MGAT4C: variants seen among roughly 807,000 people sequenced by gnomAD.
MGAT4C encodes alpha-1,3-mannosyl-glycoprotein 4-beta-N-acetylglucosaminyltransferase C.
MGAT4C carries 19 observed loss-of-function variants against 40.1 expected under a neutral mutation model. The observed-to-expected ratio is 0.47, with a 90% CI of 0.33 to 0.70. The LOEUF (loss-of-function observed/expected upper bound fraction) is 0.70, where lower values mean the gene tolerates loss of function less well. Ranked by LOEUF, MGAT4C falls within the 30% of genes least tolerant of loss-of-function variation. MGAT4C has a pLI of 0.02. For synonymous variants in MGAT4C, 181 were observed against 187.1 expected, an observed-to-expected ratio of 0.97 and a Z score of 0.27; for missense variants, 491 against 563.2, an observed-to-expected ratio of 0.87 and a Z score of 1.30.
chr12:86,262,759 T>C (rs949202776), intron 4 of MGAT4C, among the ~76,000 whole-genome samples: 1 of 152,078 alleles, frequency 6.6e-6, no homozygotes, highest in African/African-American at 2.4e-5. Context: ...ACATCACTTG[T>C]ATTTGATAAA....
chr12:86,436,066 A>G (rs1301281710), intron 2 of MGAT4C, among the ~76,000 whole-genome samples: 3 of 151,876 alleles, frequency 2.0e-5, no homozygotes, highest in Admixed American at 6.6e-5. Flanking sequence ...TTACAACTAT[A>G]TGATTATATA....
chr12:86,352,650 G>C (rs1187790411), intron 3 of MGAT4C, among the ~76,000 whole-genome samples: 1 of 152,004 alleles, frequency 6.6e-6, no homozygotes, highest in South Asian at 2.1e-4. Context: ...ACACCTTTCA[G>C]TTGTTTCTTA....
At chr12:86,456,402 C>T (rs1049992812) in intron 2 of MGAT4C, among the ~76,000 whole-genome samples, 1 of 152,066 alleles carries the variant, frequency 6.6e-6, no homozygotes, top group African/African-American at 2.4e-5. Flanking sequence ...TAGTAAATGG[C>T]AGCCTGGCAT....
intron 2 of MGAT4C, among the ~76,000 whole-genome samples, chr12:86,561,904 T>C (rs1959880520): frequency 6.6e-6 from 1 of 152,224 alleles, no homozygotes; most frequent in South Asian, 2.1e-4. Context: ...GACTCCAAAA[T>C]GCTAAGGACT....
At chr12:86,290,597 A>T (rs565119524) in intron 4 of MGAT4C, among the ~76,000 whole-genome samples, 3 of 152,132 alleles carry the variant, frequency 2.0e-5, no homozygotes, top group Middle Eastern at 3.2e-3. Context: ...TTAAAATGAA[A>T]ACACATTTTA....
chr12:86,159,371 C>A (rs1246022872), intron 1 of MGAT4C, among the ~76,000 whole-genome samples: 1 of 149,248 alleles, frequency 6.7e-6, no homozygotes, highest in African/African-American at 2.5e-5. Context: ...GGAATAAAGT[C>A]CAGTTGATCA....
At chr12:86,451,690 G>A (rs1302483571) in intron 2 of MGAT4C, among the ~76,000 whole-genome samples, 2 of 151,854 alleles carry the variant, frequency 1.3e-5, no homozygotes, top group African/African-American at 4.8e-5. Context: ...CCCATTTTAT[G>A]GTCTCTGTTC....
chr12:86,027,899 T>A (rs888363507), intron 2 of MGAT4C, among the ~76,000 whole-genome samples: 5 of 151,906 alleles, frequency 3.3e-5, no homozygotes, highest in African/African-American at 1.2e-4. Flanking sequence ...AAAATATATT[T>A]TATATATACA....
intron 1 of MGAT4C, among the ~76,000 whole-genome samples, chr12:86,196,268 TAACAAGGCAAATTTCC>T (rs1949798466): frequency 6.6e-6 from 1 of 152,214 alleles, no homozygotes; most frequent in Non-Finnish European, 1.5e-5. Flanking sequence ...CCTGTTTGCC[TAACAAGGCAAATTTCC>T]TTAGATATTA....
chr12:86,491,426 A>C (rs1958131653), intron 2 of MGAT4C, among the ~76,000 whole-genome samples: 1 of 152,190 alleles, frequency 6.6e-6, no homozygotes, highest in Non-Finnish European at 1.5e-5. Context: ...ATCCAGCAGC[A>C]CATCAAAAAG....
At chr12:86,589,446 G>A (rs1320267940) in intron 2 of MGAT4C, among the ~76,000 whole-genome samples, 1 of 151,916 alleles carries the variant, frequency 6.6e-6, no homozygotes, top group Non-Finnish European at 1.5e-5. Flanking sequence ...AGGACCAGAT[G>A]GATTCACAGC....
chr12:86,206,830 A>G (rs1215631693), intron 1 of MGAT4C, among the ~76,000 whole-genome samples: 1 of 152,108 alleles, frequency 6.6e-6, no homozygotes. Flanking sequence ...CTGGCAGCAC[A>G]CTCCTAAAAT....
chr12:86,113,732 A>G (rs1877862938), intron 1 of MGAT4C, among the ~76,000 whole-genome samples: 2 of 151,904 alleles, frequency 1.3e-5, no homozygotes, highest in Admixed American at 6.6e-5. Context: ...TCATTAGTGA[A>G]TTAAGATTCC....
intron 3 of MGAT4C, among the ~76,000 whole-genome samples, chr12:86,431,011 T>A (rs148128223): frequency 6.6e-6 from 1 of 152,330 alleles, no homozygotes; most frequent in Non-Finnish European, 1.5e-5. Flanking sequence ...GTTGCCAAGT[T>A]AAGCTGGTCT....
At chr12:86,656,663 G>A (rs996484664) in intron 2 of MGAT4C, among the ~76,000 whole-genome samples, 3 of 152,064 alleles carry the variant, frequency 2.0e-5, no homozygotes, top group Admixed American at 6.6e-5. Context: ...GGAGTACACT[G>A]AGTGTGAAAA....
chr12:86,342,589 T>A (rs1954927605), intron 3 of MGAT4C, among the ~76,000 whole-genome samples: 1 of 152,078 alleles, frequency 6.6e-6, no homozygotes, highest in Admixed American at 6.6e-5. Context: ...CCATGGCTCA[T>A]CACCACGCCC....
chr12:85,993,398 TG>T (rs1886214228), intron 2 of MGAT4C, among the ~76,000 whole-genome samples: 1 of 152,022 alleles, frequency 6.6e-6, no homozygotes, highest in African/African-American at 2.4e-5. Flanking sequence ...CATGATAAAA[TG>T]AGAGAAGGGA....
rs75105830 is a variant in MGAT4C, at chr12:86,511,823, C to T, written c.-228-76558G>A. ...GAGACAAAAGTGGAAAGCTTCATGA[C>T]ATTGGTCTTAGCAATAGTTTCTTGG... On this transcript the variant is annotated intron_variant, in intron 2 of 7. Transcript: ENST00000548651. 8.8e-3 allele frequency among the ~76,000 whole-genome samples: 1,343 copies of T among 152,256 alleles called. 35 individuals carry two copies. The highest frequency in any genetic ancestry group is 0.069 in the East Asian group (360 of 5,184).
chr12:86,023,852 T>C (rs1244400921), intron 2 of MGAT4C, among the ~76,000 whole-genome samples: 4 of 151,734 alleles, frequency 2.6e-5, no homozygotes, highest in Admixed American at 6.6e-5. Context: ...AGTTGGGCAA[T>C]TTAAAGGTCA....
Sources: gnomAD v4.1 joint callset for allele counts (sites outside exome capture counted in the v4.1 genomes callset) on GRCh38, gnomAD v4.1.1 for gene constraint, MANE v1.5 for transcripts, NCBI Gene and HGNC (gene_info 2026-07-23, HGNC 2026-07-21) for gene names.